The following PCDHGA6 variants were observed in gnomAD, a reference collection of about 807,000 sequenced individuals.
PCDHGA6 encodes the protein protocadherin gamma-A6.
Under a neutral mutation model 60.6 loss-of-function variants are expected in PCDHGA6, and 41 were observed. The ratio of observed to expected loss-of-function variants is 0.68; its 90% CI spans 0.53 to 0.88. The LOEUF (loss-of-function observed/expected upper bound fraction) is 0.88, where lower values mean the gene tolerates loss of function less well. PCDHGA6 is among the 40% of genes least tolerant of loss of function. The pLI, the probability that PCDHGA6 is intolerant of heterozygous loss-of-function variation, is 0.00. For synonymous variants in PCDHGA6, 594 were observed against 524.4 expected (o/e 1.13, Z -1.81); for missense variants, 1,312 against 1,203.0 (o/e 1.09, Z -1.34).
chr5:141,380,571 T>C (rs529430145), intron 1 of PCDHGA6, among the ~76,000 whole-genome samples: 2 of 152,352 alleles, frequency 1.3e-5, no homozygotes, highest in African/African-American at 4.8e-5. Context: ...ATTAAACATA[T>C]CTTGGCGGTC....
intron 1 of PCDHGA6, chr5:141,388,782 A>C (rs1589071559): frequency 6.2e-7 from 1 of 1,613,784 alleles, no homozygotes; most frequent in South Asian, 1.1e-5. Flanking sequence ...CGGGGAAATT[A>C]CTGTTTTAAA....
intron 1 of PCDHGA6, chr5:141,422,369 G>A (rs890803753): frequency 6.4e-7 from 1 of 1,566,400 alleles, no homozygotes; most frequent in Non-Finnish European, 8.6e-7. Flanking sequence ...GGAGAAAATG[G>A]TCAAGTCTCC....
intron 1 of PCDHGA6, chr5:141,414,088 A>T: frequency 6.3e-7 from 1 of 1,599,384 alleles, no homozygotes; most frequent in African/African-American, 1.3e-5. Context: ...TACTGGAGAA[A>T]TAAAAATATC....
intron 1 of PCDHGA6, chr5:141,410,911 T>C (rs927103159): frequency 2.6e-5 from 7 of 267,884 alleles, no homozygotes; most frequent in African/African-American, 7.8e-5. Flanking sequence ...TGGAGTGCAG[T>C]GGCGTGATCT....
chr5:141,385,991 T>C (rs1044328038), intron 1 of PCDHGA6: 1 of 152,222 alleles, frequency 6.6e-6, no homozygotes, highest in East Asian at 1.9e-4. Context: ...ATATGTCAAA[T>C]AAAATGTCAT....
intron 1 of PCDHGA6, chr5:141,398,768 C>T (rs1177677138): frequency 6.2e-6 from 10 of 1,613,946 alleles, no homozygotes; most frequent in South Asian, 1.1e-5. Context: ...GTCCTGACTG[C>T]CTTGGACGGT....
At chr5:141,509,015 C>G (rs1370464396) in intron 3 of PCDHGA6, among the ~76,000 whole-genome samples, 2 of 152,098 alleles carry the variant, frequency 1.3e-5, no homozygotes, top group African/African-American at 4.8e-5. Context: ...AAGTGGGCAG[C>G]TGCTCCCTCC....
At chr5:141,498,921 AG>A (rs1289139995) in intron 2 of PCDHGA6, among the ~76,000 whole-genome samples, 1 of 140,074 alleles carries the variant, frequency 7.1e-6, no homozygotes, top group Non-Finnish European at 1.6e-5. Flanking sequence ...TGACAGAGCG[AG>A]ACTCCATCAG....
At chr5:141,405,326 T>TGC in intron 1 of PCDHGA6, 1 of 1,614,220 alleles carries the variant, frequency 6.2e-7, no homozygotes, top group Non-Finnish European at 8.5e-7. Flanking sequence ...TGAGCCTTTG[T>TGC]GCGTCTCTGT....
At chr5:141,420,240 C>G (rs752339982) in intron 1 of PCDHGA6, 3 of 1,593,140 alleles carry the variant, frequency 1.9e-6, no homozygotes, top group Non-Finnish European at 2.6e-6. Context: ...ATTTTAACTC[C>G]CAGCGTTGAA....
In PCDHGA6 at chr5:141,477,029, A is replaced by C; in HGVS notation, c.2425-17778A>C. 6.2e-7 allele frequency: 1 copy of C among 1,614,238 alleles called. No homozygotes were observed. The highest frequency in any genetic ancestry group is 8.5e-7 in the Non-Finnish European group (1 of 1,180,040). Reference sequence around the variant, plus strand: ...CTTAGACCTTGTAACCGGGATGCTGACAATCAAGGGTCGGCTGGACTTCGA... The same window carrying C: ...CTTAGACCTTGTAACCGGGATGCTGCCAATCAAGGGTCGGCTGGACTTCGA... On this transcript the variant is annotated intron_variant, in intron 1 of 3. Transcript: ENST00000517434. This position sits in a 1 kb window ranked among gnomAD's most constrained non-coding sequence, Gnocchi z 4.9.
chr5:141,446,482 CTT>C (rs112180482), intron 1 of PCDHGA6, among the ~76,000 whole-genome samples: 6 of 147,048 alleles, frequency 4.1e-5, no homozygotes, highest in East Asian at 4.0e-4. Context: ...GGTCATCATT[CTT>C]TTTTTTTTTT....
rs531227586 is a variant in PCDHGA6, at chr5:141,376,372, G to C, written c.2289G>C (p.Ser763=). 2 of 1,614,182 alleles carry C rather than the reference G, an allele frequency of 1.2e-6. No individual in the cohort carries two copies. The highest frequency in any genetic ancestry group is 1.7e-5 in the Admixed American group (1 of 60,032). ...YSHEVSLTAD[S]RKSHLIFPQP... ...ACGAGGTCTCACTCACTGCAGACTC[G>C]CGTAAGAGTCATCTGATTTTCCCCC... The change falls in exon 1 of 4, where the codon TCG becomes TCC. Residue 763 remains serine, a synonymous_variant. Transcript: ENST00000517434.
intron 1 of PCDHGA6, among the ~76,000 whole-genome samples, chr5:141,492,760 C>T (rs991820569): frequency 1.3e-5 from 2 of 152,212 alleles, no homozygotes; most frequent in Admixed American, 1.3e-4. Context: ...CAGGGCTCCG[C>T]GTTGGGCGAG....
chr5:141,511,823 G>A lies in PCDHGA6; in HGVS notation c.*650G>A, dbSNP rs1490513046. On this transcript the variant is annotated 3_prime_UTR_variant, in exon 4 of 4. Transcript: ENST00000517434. ...TTTTGCTACCAAGCCTCTTCCCAACGCCCTGGGGACCAGTCTTCTGTTTTG... is the reference window on the plus strand; with the variant it reads ...TTTTGCTACCAAGCCTCTTCCCAACACCCTGGGGACCAGTCTTCTGTTTTG... 4 of 156,728 alleles carry A rather than the reference G, an allele frequency of 2.6e-5. No homozygotes were observed. The highest frequency in any genetic ancestry group is 3.2e-3 in the Middle Eastern group (1 of 316). 9.7% of individuals were successfully genotyped at this position (156,728 alleles called of 1,614,324 possible). A position where few individuals can be genotyped will look rare whatever the true frequency, so the allele number is the denominator to read the frequency against.
chr5:141,404,710 C>A (rs772390810), intron 1 of PCDHGA6: 1 of 1,614,014 alleles, frequency 6.2e-7, no homozygotes, highest in African/African-American at 1.3e-5. Flanking sequence ...AGCCTGGCTA[C>A]CTGGTGACCA....
At chr5:141,419,782 C>T (rs765128711) in intron 1 of PCDHGA6, 9 of 1,614,058 alleles carry the variant, frequency 5.6e-6, no homozygotes, top group Non-Finnish European at 7.6e-6. Flanking sequence ...TCCGCCAGCG[C>T]CTGCTAGTCG....
At chr5:141,387,608 G>C (rs562428819) in intron 1 of PCDHGA6, 221 of 551,402 alleles carry the variant, frequency 4.0e-4, no homozygotes, top group Non-Finnish European at 6.6e-4. Context: ...AGAGGCTGTA[G>C]TTTCCTAGTG....
At position 141,375,843 on chromosome 5, in the gene PCDHGA6, T is replaced by A. The variant is rs762152746; in HGVS notation, c.1760T>A (p.Leu587Gln). ...CCCCGCTCCGCAGAGCCCGGCTACCTGGTGACCAAGGTGGTGGCGGTGGAC... is the reference window on the plus strand; with the variant it reads ...CCCCGCTCCGCAGAGCCCGGCTACCAGGTGACCAAGGTGGTGGCGGTGGAC... ...LAPRSAEPGY[L>Q]VTKVVAVDRD... The change falls in exon 1 of 4, where the codon CTG becomes CAG. Residue 587 changes from leucine (L) to glutamine (Q), a missense_variant. Leu to Gln is a moderately radical substitution (Grantham distance 113, BLOSUM62 -2). Coordinates refer to ENST00000517434, the MANE Select transcript of PCDHGA6 (RefSeq NM_018919.3). 20 of 1,613,928 alleles carry A rather than the reference T, an allele frequency of 1.2e-5. No homozygotes were observed. The highest frequency in any genetic ancestry group is 1.6e-5 in the Non-Finnish European group (19 of 1,180,018).
Sources: allele counts gnomAD v4.1 joint callset (sites outside exome capture counted in the v4.1 genomes callset), GRCh38; gene constraint gnomAD v4.1.1; non-coding constraint Gnocchi (gnomAD v3.1); transcripts MANE v1.5; gene names NCBI Gene and HGNC (gene_info 2026-07-23, HGNC 2026-07-21).